Variants in MGMT observed in about 807,000 individuals in gnomAD.
MGMT encodes the protein methylated-DNA--protein-cysteine methyltransferase.
MGMT carries 14 observed loss-of-function variants against 15.9 expected under a neutral mutation model. The ratio of observed to expected loss-of-function variants is 0.88; its 90% confidence interval spans 0.58 to 1.37. The LOEUF (loss-of-function observed/expected upper bound fraction) is 1.37. MGMT is among the 40% of genes most tolerant of loss of function. MGMT has a pLI of 0.00. For missense variants in MGMT, 282 were observed against 268.1 expected (o/e 1.05, Z -0.36); for synonymous variants, 130 against 118.2 (o/e 1.10, Z -0.65).
intron 1 of MGMT, among the ~76,000 whole-genome samples, chr10:129,497,477 T>C (rs61629745): frequency 0.051 from 7,701 of 152,244 alleles, 553 homozygotes; most frequent in African/African-American, 0.16. Context: ...TTGGGGGGAC[T>C]TTTTATTTTG....
chr10:129,737,659 T>C (rs1848579717), intron 3 of MGMT, among the ~76,000 whole-genome samples: 1 of 152,240 alleles, frequency 6.6e-6, no homozygotes, highest in South Asian at 2.1e-4. Context: ...GTTTTTCTGC[T>C]CTGTTTTTTC....
chr10:129,578,441 C>T (rs1222706906), intron 2 of MGMT, among the ~76,000 whole-genome samples: 1 of 151,706 alleles, frequency 6.6e-6, no homozygotes, highest in African/African-American at 2.4e-5. Context: ...GGACAAAAAA[C>T]CAAACACCGC....
intron 2 of MGMT, among the ~76,000 whole-genome samples, chr10:129,581,369 A>G (rs4751103): frequency 6.6e-6 from 1 of 152,008 alleles, no homozygotes; most frequent in Non-Finnish European, 1.5e-5. Context: ...GAGACCTGCC[A>G]TTCCTCCGGT....
chr10:129,731,917 C>T (rs1169055494), intron 3 of MGMT, among the ~76,000 whole-genome samples: 1 of 152,132 alleles, frequency 6.6e-6, no homozygotes, highest in Non-Finnish European at 1.5e-5. Context: ...TGTGTTGTCA[C>T]ATCACGTAGC....
At chr10:129,581,181 G>A (rs72838508) in intron 2 of MGMT, among the ~76,000 whole-genome samples, 22 of 152,260 alleles carry the variant, frequency 1.4e-4, no homozygotes, top group South Asian at 4.2e-4. Context: ...GACCTGTCGC[G>A]GGCTGAGCTT....
chr10:129,620,903 C>A (rs1240118474), intron 2 of MGMT, among the ~76,000 whole-genome samples: 1 of 152,040 alleles, frequency 6.6e-6, no homozygotes, highest in East Asian at 1.9e-4. Context: ...TGGATTGAAT[C>A]CTTTTTTGAT....
chr10:129,488,002 T>C (rs61859818), intron 1 of MGMT, among the ~76,000 whole-genome samples: 2 of 75,782 alleles, frequency 2.6e-5, no homozygotes, highest in African/African-American at 8.6e-5. Context: ...CACACATAGG[T>C]ATACACACAC....
chr10:129,677,605 C>T (rs74788406), intron 2 of MGMT, among the ~76,000 whole-genome samples: 4,105 of 152,334 alleles, frequency 0.027, 186 homozygotes, highest in African/African-American at 0.094. Flanking sequence ...CCTCTGCCCC[C>T]ACCATGTCCC....
intron 2 of MGMT, chr10:129,536,637 A>G (rs1410758720): frequency 5.5e-6 from 2 of 360,372 alleles, no homozygotes; most frequent in Non-Finnish European, 9.8e-6. Flanking sequence ...TAGCTCTAAG[A>G]TGTTTGATTA....
rs775782259 is a variant in MGMT at position 129,759,252 on chromosome 10, G to A, written c.325G>A (p.Gly109Arg). ...LWKLLKVVKF[G>R]EVISYQQLAA... ...GAAGCTGCTGAAGGTTGTGAAATTCGGAGAAGTGATTTCTTACCAGCAATT... is the reference window on the plus strand; with the variant it reads ...GAAGCTGCTGAAGGTTGTGAAATTCAGAGAAGTGATTTCTTACCAGCAATT... The change falls in exon 4 of 5, where the codon GGA becomes AGA. Residue 109 changes from glycine to arginine, a missense_variant. Physicochemically the swap from Gly to Arg is moderately radical, Grantham distance 125. Coordinates refer to ENST00000651593, the MANE Select transcript of MGMT (RefSeq NM_002412.5). 21 of 1,614,158 alleles carry A rather than the reference G, an allele frequency of 1.3e-5. No homozygotes were observed. The highest frequency in any genetic ancestry group is 5.3e-5 in the African/African-American group (4 of 75,042).
At chr10:129,633,204 A>G (rs1463194708) in intron 2 of MGMT, among the ~76,000 whole-genome samples, 1 of 152,226 alleles carries the variant, frequency 6.6e-6, no homozygotes, top group Non-Finnish European at 1.5e-5. Context: ...TCTAAATTAT[A>G]GAAAAAACGT....
intron 3 of MGMT, among the ~76,000 whole-genome samples, chr10:129,739,096 A>G (rs1264160958): frequency 1.3e-5 from 2 of 152,230 alleles, no homozygotes; most frequent in African/African-American, 4.8e-5. Flanking sequence ...CTTCAACAAA[A>G]TTCAGCAGCG....
chr10:129,633,744 A>G (rs1368605067), intron 2 of MGMT, among the ~76,000 whole-genome samples: 1 of 152,220 alleles, frequency 6.6e-6, no homozygotes, highest in Non-Finnish European at 1.5e-5. Flanking sequence ...TGCATAAAAG[A>G]CAGTAACATA....
chr10:129,499,497 C>A (rs567964265), intron 1 of MGMT, among the ~76,000 whole-genome samples: 2 of 152,202 alleles, frequency 1.3e-5, no homozygotes, highest in Admixed American at 6.5e-5. Context: ...ATAACAATTA[C>A]CTTTAATAGC....
intron 2 of MGMT, among the ~76,000 whole-genome samples, chr10:129,642,848 C>T (rs1416830071): frequency 6.6e-6 from 1 of 151,990 alleles, no homozygotes; most frequent in Non-Finnish European, 1.5e-5. Context: ...GGGAAGACCA[C>T]CTGAGCCCCG....
At position 129,521,823 on chromosome 10, in the gene MGMT, C is replaced by T. The variant is rs555453849; in HGVS notation, c.-12-14418C>T. Among the ~76,000 whole-genome samples the T allele has an allele frequency of 3.8e-4, 58 of 152,352 alleles. No homozygotes were observed. The South Asian group carries it at 0.011, about 30-fold the overall frequency. ...GGGGCCGCAGCTGAGGCCTGTGCAG[C>T]CTCCCCGGTGCTAGTGCCAGCATGG... On this transcript the variant is annotated intron_variant, in intron 1 of 4. Coordinates refer to ENST00000651593, the MANE Select transcript of MGMT (RefSeq NM_002412.5).
Position 129,747,251 on chromosome 10 carries a change from C to A in MGMT, c.275-11951C>A, listed in dbSNP as rs902753303. On this transcript the variant is annotated intron_variant, in intron 3 of 4. Transcript: ENST00000651593. ...TGCAAATAGGGAGAGTTTGTTTCTT[C>A]TTTTCTAAAACAATTGTCTTCTATT... 7.2e-5 allele frequency among the ~76,000 whole-genome samples: 11 copies of A among 152,068 alleles called. 1 individual carries two copies. The highest frequency in any genetic ancestry group is 1.9e-4 in the African/African-American group (8 of 41,434).
At chr10:129,653,835 G>C (rs1304513710) in intron 2 of MGMT, among the ~76,000 whole-genome samples, 1 of 152,210 alleles carries the variant, frequency 6.6e-6, no homozygotes, top group Non-Finnish European at 1.5e-5. Context: ...CAGATTTCCA[G>C]ATGTGAAGAG....
At chr10:129,702,770 C>A (rs1211715913) in intron 2 of MGMT, among the ~76,000 whole-genome samples, 1 of 152,174 alleles carries the variant, frequency 6.6e-6, no homozygotes, top group African/African-American at 2.4e-5. Flanking sequence ...ACAGGGCCGG[C>A]ATTTCAGTGG....
Sources: gnomAD v4.1 joint callset for allele counts (sites outside exome capture counted in the v4.1 genomes callset) on GRCh38, gnomAD v4.1.1 for gene constraint, MANE v1.5 for transcripts, NCBI Gene and HGNC (gene_info 2026-07-23, HGNC 2026-07-21) for gene names.